THNSL1: variants seen among roughly 807,000 people sequenced by gnomAD.
THNSL1 encodes threonine synthase like 1.
In THNSL1, 48 loss-of-function variants were observed where a neutral mutation model predicts 50.4. The observed-to-expected ratio is 0.95, with a 90% CI of 0.76 to 1.21. THNSL1 has a LOEUF of 1.21. Among genes scored for constraint, THNSL1 ranks in the 50% most tolerant of loss-of-function variants. THNSL1 has a pLI of 0.00. For synonymous variants in THNSL1, 309 were observed against 306.1 expected, an observed-to-expected ratio of 1.01 and a Z score of -0.10; for missense variants, 896 against 871.7, an observed-to-expected ratio of 1.03 and a Z score of -0.35.
At chr10:25,005,918 T>C in the THNSL1 span, among the ~76,000 whole-genome samples, 1 of 152,238 alleles carries the variant, frequency 6.6e-6, no homozygotes, top group African/African-American at 2.4e-5. Context: ...ACATCTGTGC[T>C]GTGTAATATA....
At chr10:24,995,995 A>T in the THNSL1 span, 1 of 739,904 alleles carries the variant, frequency 1.4e-6, no homozygotes. Flanking sequence ...TTAAATATTT[A>T]AGATAGAAGT....
chr10:25,007,844 T>G, the THNSL1 span, among the ~76,000 whole-genome samples: 1 of 152,014 alleles, frequency 6.6e-6, no homozygotes, highest in Admixed American at 6.6e-5. Flanking sequence ...TCTGGTTGTC[T>G]CTCCCCTCAC....
At chr10:25,012,874 C>A (rs895802294), upstream of THNSL1, among the ~76,000 whole-genome samples, 20 of 152,188 alleles carry the variant, frequency 1.3e-4, no homozygotes, top group African/African-American at 3.9e-4. Context: ...CTGGGAGGGG[C>A]TGGGGTAGAA....
In THNSL1 at chr10:25,022,432, T is replaced by A. The variant is rs532758123; in HGVS notation, c.-49+524T>A. 1.4e-4 allele frequency among the ~76,000 whole-genome samples: 21 copies of A among 152,216 alleles called. 1 individual carries two copies. The highest frequency in any genetic ancestry group is 2.9e-4 in the Non-Finnish European group (20 of 68,028). On this transcript the variant is annotated intron_variant, in intron 2 of 2. Transcript: ENST00000376356. ...GGTTATATGTAGCCTTTGACCTCAT[T>A]GCTGATTATTAATTTTTCTTAACTA...
At chr10:24,975,264 C>G in the THNSL1 span, among the ~76,000 whole-genome samples, 2 of 152,216 alleles carry the variant, frequency 1.3e-5, no homozygotes, top group African/African-American at 4.8e-5. Flanking sequence ...AAGGTTTGTC[C>G]TCAGTATTGG....
the THNSL1 span, among the ~76,000 whole-genome samples, chr10:25,005,741 C>T: frequency 6.6e-6 from 1 of 152,196 alleles, no homozygotes; most frequent in African/African-American, 2.4e-5. Context: ...GCCAATTCTT[C>T]CCCCAGCCTG....
At chr10:25,019,806 A>G (rs1440025063) in intron 1 of THNSL1, among the ~76,000 whole-genome samples, 1 of 152,230 alleles carries the variant, frequency 6.6e-6, no homozygotes, top group African/African-American at 2.4e-5. Flanking sequence ...GTGCACTACC[A>G]GAAATTTCCC....
At chr10:24,956,595 A>G in the THNSL1 span, among the ~76,000 whole-genome samples, 5 of 151,956 alleles carry the variant, frequency 3.3e-5, no homozygotes, top group African/African-American at 7.3e-5. Flanking sequence ...TATACATTGC[A>G]TAATGATCAA....
chr10:24,982,466 C>T, the THNSL1 span: 1 of 152,178 alleles, frequency 6.6e-6, no homozygotes, highest in Non-Finnish European at 1.5e-5. Flanking sequence ...TTCCTTTGAA[C>T]AGGAAGAGAA....
At chr10:24,991,059 T>C in the THNSL1 span, among the ~76,000 whole-genome samples, 1 of 152,194 alleles carries the variant, frequency 6.6e-6, no homozygotes, top group Non-Finnish European at 1.5e-5. Context: ...AAGGTGCCAC[T>C]GCACTCCAGC....
the THNSL1 span, among the ~76,000 whole-genome samples, chr10:24,968,904 G>A: frequency 1.3e-5 from 2 of 152,102 alleles, no homozygotes; most frequent in Admixed American, 1.3e-4. Flanking sequence ...TGTTGTTGTT[G>A]TTTTCTTGAG....
At chr10:24,986,061 C>A in the THNSL1 span, among the ~76,000 whole-genome samples, 1 of 152,106 alleles carries the variant, frequency 6.6e-6, no homozygotes, top group African/African-American at 2.4e-5. Flanking sequence ...AGAGCAGAGA[C>A]CCTGCCTGAA....
the THNSL1 span, among the ~76,000 whole-genome samples, chr10:25,003,227 G>C: frequency 6.6e-6 from 1 of 151,548 alleles, no homozygotes; most frequent in East Asian, 1.9e-4. Context: ...TGTTGCCCAG[G>C]CTGGAGTGCA....
the THNSL1 span, among the ~76,000 whole-genome samples, chr10:24,974,018 T>C: frequency 1.2e-4 from 19 of 152,184 alleles, no homozygotes; most frequent in Non-Finnish European, 2.6e-4. Context: ...CCTCCCAAGG[T>C]GCTAGGATTA....
Position 25,024,207 on chromosome 10 carries a change from T to C in THNSL1, c.984T>C (p.Ala328=). Residue 328 remains alanine (A), a synonymous_variant, in exon 3 of 3, where the codon GCT becomes GCC. Transcript: ENST00000376356. ...AAAACTTTGCCTGCTCAAAAATTGCTCCTGTCAGGCACCTTTCAGGCAACC... is the reference window on the plus strand; with the variant it reads ...AAAACTTTGCCTGCTCAAAAATTGCCCCTGTCAGGCACCTTTCAGGCAACC... The part of the protein sequence containing the change: ...YGENFACSKI[A]PVRHLSGNQF... The C allele has an allele frequency of 6.2e-7, 1 of 1,614,196 alleles. No individual in the cohort carries two copies. Among genetic ancestry groups the C allele is most frequent in the Non-Finnish European group, 8.5e-7 (1 of 1,180,026 alleles).
chr10:24,998,147 C>A, the THNSL1 span, among the ~76,000 whole-genome samples: 1 of 152,062 alleles, frequency 6.6e-6, no homozygotes, highest in Admixed American at 6.6e-5. Context: ...TTAAATACTG[C>A]CATAAAGAGA....
intron 2 of THNSL1, among the ~76,000 whole-genome samples, chr10:25,022,897 G>A (rs1052917666): frequency 3.9e-5 from 6 of 152,092 alleles, no homozygotes; most frequent in Non-Finnish European, 8.8e-5. Context: ...CTGGCACTTT[G>A]TGAATACAAG....
At chr10:25,016,086 C>A (rs796767020), upstream of THNSL1, 2 of 1,383,740 alleles carry the variant, frequency 1.4e-6, no homozygotes, top group Non-Finnish European at 1.9e-6. Context: ...CCCCCTTTAA[C>A]CCCCTCTTAG....
chr10:24,980,107 C>T, the THNSL1 span, among the ~76,000 whole-genome samples: 1 of 152,230 alleles, frequency 6.6e-6, no homozygotes, highest in Non-Finnish European at 1.5e-5. Flanking sequence ...TGATCTTCCA[C>T]TTCAGTCCAC....
Sources: allele counts gnomAD v4.1 joint callset (sites outside exome capture counted in the v4.1 genomes callset), GRCh38; gene constraint gnomAD v4.1.1; transcripts MANE v1.5; gene names NCBI Gene and HGNC (gene_info 2026-07-23, HGNC 2026-07-21).